The following CBLB variants were observed in gnomAD, a reference collection of about 807,000 sequenced individuals.
CBLB encodes E3 ubiquitin-protein ligase CBL-B.
CBLB carries 31 observed loss-of-function variants against 104.9 expected under a neutral mutation model. That is an observed-to-expected ratio of 0.30 (90% CI 0.22 to 0.40). The LOEUF is 0.40. Among genes scored for constraint, CBLB ranks in the 10% least tolerant of loss-of-function variants. The pLI is 1.00. For synonymous variants in CBLB, 440 were observed against 422.6 expected, an observed-to-expected ratio of 1.04 and a Z score of -0.51; for missense variants, 1,062 against 1,214.6, an observed-to-expected ratio of 0.87 and a Z score of 1.87.
chr3:105,795,171 G>A (rs2044164), intron 3 of CBLB, among the ~76,000 whole-genome samples: 1 of 152,294 alleles, frequency 6.6e-6, no homozygotes, highest in African/African-American at 2.4e-5. Flanking sequence ...CTCGGCCTCC[G>A]AAAGTGCTGG....
intron 3 of CBLB, among the ~76,000 whole-genome samples, chr3:105,787,924 T>G (rs771682004): frequency 2.6e-5 from 4 of 152,180 alleles, no homozygotes; most frequent in Admixed American, 6.5e-5. Flanking sequence ...TTAAAATCTG[T>G]GTTTCATGTT....
At chr3:105,858,928 T>C (rs1045263582) in intron 2 of CBLB, among the ~76,000 whole-genome samples, 3 of 152,148 alleles carry the variant, frequency 2.0e-5, no homozygotes, top group Non-Finnish European at 4.4e-5. Flanking sequence ...AATATATTAT[T>C]AATATATTGG....
Position 105,681,350 on chromosome 3 carries a change from G to A in CBLB, c.2428+129C>T, listed in dbSNP as rs1471721283. 1.2e-5 allele frequency: 10 copies of A among 866,134 alleles called. No homozygotes were observed. In the East Asian group the frequency reaches 2.3e-4, roughly 20 times the overall value. The allele number at this position is 866,134 out of a possible 1,614,324, so 53.7% of individuals were successfully genotyped here. A position where few individuals can be genotyped will look rare whatever the true frequency, so the allele number is the denominator to read the frequency against. On this transcript the variant is annotated intron_variant, in intron 16 of 18. Transcript: ENST00000394030. ...AACTTGGGAGTCACCGGCACCTGGA[G>A]AACCCATTCAAATTTCAGGCAAATT...
chr3:105,740,756 TTC>T, intron 6 of CBLB, 125 bp from the exon 7 acceptor site: 5 of 805,644 alleles, frequency 6.2e-6, no homozygotes, highest in East Asian at 5.3e-5. Context: ...ACTCCTCATA[TTC>T]TGTCTTCTAA....
At chr3:105,810,541 A>C (rs983259430) in intron 3 of CBLB, among the ~76,000 whole-genome samples, 1 of 152,166 alleles carries the variant, frequency 6.6e-6, no homozygotes, top group African/African-American at 2.4e-5. Flanking sequence ...GCTAAACTTC[A>C]TAAGACTTTA....
chr3:105,700,024 A>T (rs1237052805), intron 12 of CBLB, among the ~76,000 whole-genome samples: 8 of 152,168 alleles, frequency 5.3e-5, no homozygotes, highest in Non-Finnish European at 1.2e-4. Context: ...AATAAGAGAT[A>T]AAATTTTCAC....
chr3:105,708,850 AATTTTT>A (rs1305505192), intron 10 of CBLB, among the ~76,000 whole-genome samples: 1 of 152,014 alleles, frequency 6.6e-6, no homozygotes, highest in African/African-American at 2.4e-5. Flanking sequence ...TAAAATATTT[AATTTTT>A]ATTTAGATGA....
In CBLB at chr3:105,702,510, T is replaced by C. The variant is rs769058564; in HGVS notation, c.1594-51A>G. 1.1e-5 allele frequency: 16 copies of C among 1,486,716 alleles called. No individual in the cohort carries two copies. In the African/African-American group the frequency reaches 2.2e-4, roughly 20 times the overall value. 92.1% of individuals were successfully genotyped at this position (1,486,716 alleles called of 1,614,324 possible). ...AAAAAAAAAAAAAAACTAAAGGTTG[T>C]ACCATGCACTGACAGAACTTCCAAA... On this transcript the variant is annotated intron_variant, in intron 11 of 18. Transcript: ENST00000394030.
chr3:105,715,331 A>G (rs948037321), intron 10 of CBLB, among the ~76,000 whole-genome samples: 1 of 152,250 alleles, frequency 6.6e-6, no homozygotes, highest in Admixed American at 6.5e-5. Flanking sequence ...GTATCACAAA[A>G]TACTTTCTAT....
intron 3 of CBLB, among the ~76,000 whole-genome samples, chr3:105,812,705 G>A (rs1239040317): frequency 6.6e-6 from 1 of 152,178 alleles, no homozygotes; most frequent in Non-Finnish European, 1.5e-5. Flanking sequence ...GCTAGACTCA[G>A]GAAGATCTTA....
intron 4 of CBLB, among the ~76,000 whole-genome samples, chr3:105,766,068 G>C (rs972549134): frequency 3.9e-5 from 6 of 152,174 alleles, no homozygotes; most frequent in African/African-American, 1.4e-4. Flanking sequence ...TTTGGAAACA[G>C]TGAATTCCAA....
chr3:105,753,715 A>G (rs1036752231), intron 4 of CBLB, among the ~76,000 whole-genome samples: 1 of 152,196 alleles, frequency 6.6e-6, no homozygotes, highest in Non-Finnish European at 1.5e-5. Context: ...TAACATATAA[A>G]GTTTTTTTAA....
At position 105,683,599 on chromosome 3, in the gene CBLB, T is replaced by A. The variant is rs761752408; in HGVS notation, c.2201+1721A>T. Among the ~76,000 whole-genome samples, 22 of 152,244 alleles carry A rather than the reference T, an allele frequency of 1.4e-4. No individual in the cohort carries two copies. In the South Asian group the frequency reaches 1.7e-3, roughly 11 times the overall value. On this transcript the variant is annotated intron_variant, in intron 14 of 18. Transcript: ENST00000394030. ...TCCCAAAGAGACCAAAAAAAGCTCA[T>A]CCTACTTTAGTTTTTAAAAATTACT...
chr3:105,799,428 C>T (rs2082597407), intron 3 of CBLB, among the ~76,000 whole-genome samples: 1 of 152,042 alleles, frequency 6.6e-6, no homozygotes, highest in African/African-American at 2.4e-5. Flanking sequence ...ATAGATGAGG[C>T]AACAGTTGCA....
At chr3:105,739,876 G>A (rs528079215) in intron 7 of CBLB, among the ~76,000 whole-genome samples, 5 of 152,208 alleles carry the variant, frequency 3.3e-5, no homozygotes, top group South Asian at 2.1e-4. Flanking sequence ...AGGCCGAGGC[G>A]GGTGGATCAT....
intron 6 of CBLB, 145 bp from the exon 7 acceptor site, chr3:105,740,776 T>A: frequency 1.4e-6 from 1 of 725,708 alleles, no homozygotes; most frequent in South Asian, 1.6e-5. Flanking sequence ...TAACTTATTT[T>A]TAGCAACAAT....
chr3:105,717,508 T>C (rs914377568), intron 10 of CBLB, among the ~76,000 whole-genome samples: 1 of 152,218 alleles, frequency 6.6e-6, no homozygotes, highest in Non-Finnish European at 1.5e-5. Flanking sequence ...AATTTAAATA[T>C]ACACCACTTA....
Position 105,655,762 on chromosome 3 carries a change from T to C in CBLB, c.*3208A>G, listed in dbSNP as rs2063299700. 4.8e-6 allele frequency: 1 copy of C among 208,956 alleles called. No individual in the cohort carries two copies. Among genetic ancestry groups the C allele is most frequent in the Non-Finnish European group, 9.7e-6 (1 of 102,726 alleles). The allele number at this position is 208,956 out of a possible 1,614,324, so 12.9% of individuals were successfully genotyped here. ...TACTGTAATTTGCTTCCAAATCTGT[T>C]AGCTGAAGAGAGAAACTAAAATTTT... On this transcript the variant is annotated 3_prime_UTR_variant, in exon 19 of 19. Transcript: ENST00000394030.
chr3:105,664,064 C>A (rs1017868243), intron 18 of CBLB, among the ~76,000 whole-genome samples: 70 of 152,120 alleles, frequency 4.6e-4, no homozygotes, highest in Non-Finnish European at 1.2e-4. Flanking sequence ...GTCTTTATTA[C>A]TCCCCTCATC....
Sources: allele counts gnomAD v4.1 joint callset (sites outside exome capture counted in the v4.1 genomes callset), GRCh38; gene constraint gnomAD v4.1.1; transcripts MANE v1.5; gene names NCBI Gene and HGNC (gene_info 2026-07-23, HGNC 2026-07-21).